CLN6: variants seen among roughly 807,000 people sequenced by gnomAD.
CLN6 encodes ceroid-lipofuscinosis neuronal protein 6.
In CLN6, 22 loss-of-function variants were observed where a neutral mutation model predicts 33.3. The ratio of observed to expected loss-of-function variants is 0.66; its 90% CI spans 0.47 to 0.94. The LOEUF (loss-of-function observed/expected upper bound fraction) is 0.94. CLN6 is among the 40% of genes least tolerant of loss of function. The pLI, the probability that CLN6 is intolerant of heterozygous loss-of-function variation, is 0.00. For synonymous variants in CLN6, 201 were observed against 174.6 expected, an observed-to-expected ratio of 1.15 and a Z score of -1.19; for missense variants, 387 against 417.1, an observed-to-expected ratio of 0.93 and a Z score of 0.63.
At chr15:68,216,179 G>C (rs1274440487) in intron 2 of CLN6, among the ~76,000 whole-genome samples, 1 of 152,146 alleles carries the variant, frequency 6.6e-6, no homozygotes, top group Non-Finnish European at 1.5e-5. Context: ...CTGGGTCCTA[G>C]TGAGTGAAGG....
intron 1 of CLN6, among the ~76,000 whole-genome samples, chr15:68,223,208 G>C (rs776901679): frequency 2.0e-5 from 3 of 152,106 alleles, no homozygotes; most frequent in African/African-American, 4.8e-5. Context: ...CTCAAAGCAC[G>C]GATGGATGAA....
At chr15:68,243,881 G>C (rs1892300373) in intron 1 of CLN6, among the ~76,000 whole-genome samples, 1 of 151,440 alleles carries the variant, frequency 6.6e-6, no homozygotes, top group Non-Finnish European at 1.5e-5. Flanking sequence ...AGCTAACACA[G>C]TGAAACCCCG....
At chr15:68,254,381 C>G (rs1892411015) in intron 1 of CLN6, among the ~76,000 whole-genome samples, 1 of 152,124 alleles carries the variant, frequency 6.6e-6, no homozygotes, top group African/African-American at 2.4e-5. Context: ...CTTGCCCTGT[C>G]TGCTACCATA....
At position 68,209,803 on chromosome 15, in the gene CLN6, C is replaced by T. The variant is rs1357814530; in HGVS notation, c.543-44G>A. 4 of 1,609,174 alleles carry T rather than the reference C, an allele frequency of 2.5e-6. No homozygotes were observed. The highest frequency in any genetic ancestry group is 2.5e-6 in the Non-Finnish European group (3 of 1,178,178). ...TGTCTTAGAGGCCTGCTCAGCGGCC[C>T]TCTTCCCCACAACCTCTGCAACCAC... On this transcript the variant is annotated intron_variant, in intron 5 of 6. Coordinates refer to ENST00000249806, the MANE Select transcript of CLN6 (RefSeq NM_017882.3). The surrounding 1 kb of genome is among the most constrained non-coding windows in gnomAD (Gnocchi z 4.9).
Position 68,214,362 on chromosome 15 carries a change from T to G in CLN6, c.225A>C (p.Pro75=), listed in dbSNP as rs544291935. Residue 75 remains proline (P), a synonymous_variant, in exon 3 of 7, where the codon CCA becomes CCC. Coordinates refer to ENST00000249806, the MANE Select transcript of CLN6 (RefSeq NM_017882.3). ...AGTCCCCAACACTGGGCTTGTTGAG[T>G]GGAAACCACTCGAGAGGGAATACCA... ...AMLVFPLEWF[P]LNKPSVGDYF... 1 of 1,613,964 alleles carries G rather than the reference T, an allele frequency of 6.2e-7. No individual in the cohort carries two copies. Among genetic ancestry groups the G allele is most frequent in the Non-Finnish European group, 8.5e-7 (1 of 1,179,852 alleles).
At position 68,229,557 on chromosome 15, in the gene CLN6, G is replaced by A. The variant is rs1457277891; in HGVS notation, c.28C>T (p.Leu10=). MEATRRRQH[L]GATGGPGAQL... ...GCGCCTGGGCCGCCCGTCGCTCCCA[G>A]GTGCTGCCGCCTCCGCGTCGCCTCC... Residue 10 remains leucine, a synonymous_variant, in exon 1 of 7, where the codon CTG becomes TTG. Coordinates refer to ENST00000249806, the MANE Select transcript of CLN6 (RefSeq NM_017882.3). 8 of 1,469,322 alleles carry A rather than the reference G, an allele frequency of 5.4e-6. No homozygotes were observed. The highest frequency in any genetic ancestry group is 5.1e-5 in the South Asian group (4 of 78,252). The allele number at this position is 1,469,322 out of a possible 1,614,324, so 91.0% of individuals were successfully genotyped here.
Position 68,208,075 on chromosome 15 carries a change from T to C in CLN6, c.*65A>G. 1 of 1,532,072 alleles carries C rather than the reference T, an allele frequency of 6.5e-7. No individual in the cohort carries two copies. Among genetic ancestry groups the C allele is most frequent in the South Asian group, 1.2e-5 (1 of 83,628 alleles). 94.9% of individuals were successfully genotyped at this position (1,532,072 alleles called of 1,614,324 possible). On this transcript the variant is annotated 3_prime_UTR_variant, in exon 7 of 7. Transcript: ENST00000249806. The surrounding 1 kb of genome is among the most constrained non-coding windows in gnomAD (Gnocchi z 5.8). ...CACACCCACACCCCCCCTACTCCTGTATTCAGATGCCCTCCATGGCCCACC... is the reference window on the plus strand; with the variant it reads ...CACACCCACACCCCCCCTACTCCTGCATTCAGATGCCCTCCATGGCCCACC...
At position 68,210,917 on chromosome 15, in the gene CLN6, C is replaced by T. The variant is rs574197454; in HGVS notation, c.542+346G>A. Among the ~76,000 whole-genome samples the T allele has an allele frequency of 2.0e-5, 3 of 152,128 alleles. No individual in the cohort carries two copies. The highest frequency in any genetic ancestry group is 2.1e-4 in the South Asian group (1 of 4,830). ...ATCTGGGGGTTGTTTATCAGGGACG[C>T]GTCCTCCTCCCCCACCCTCAGGGCT... On this transcript the variant is annotated intron_variant, in intron 5 of 6. Transcript: ENST00000249806. This position sits in a 1 kb window ranked among gnomAD's most constrained non-coding sequence, Gnocchi z 5.6.
chr15:68,211,626 C>T lies in CLN6; in HGVS notation c.486+49G>A. 3 of 1,610,032 alleles carry T rather than the reference C, an allele frequency of 1.9e-6. No homozygotes were observed. Among genetic ancestry groups the T allele is most frequent in the Non-Finnish European group, 2.5e-6 (3 of 1,179,974 alleles). ...GGGCCATTTCTTCAGCCTCCCAGGA[C>T]AGACTGTGCTCCTAGGGCTTACAGG... On this transcript the variant is annotated intron_variant, in intron 4 of 6. Transcript: ENST00000249806. The surrounding 1 kb of genome is among the most constrained non-coding windows in gnomAD (Gnocchi z 5.9).
chr15:68,222,596 C>A (rs565821520), intron 1 of CLN6, among the ~76,000 whole-genome samples: 3 of 152,178 alleles, frequency 2.0e-5, no homozygotes. Flanking sequence ...GCCCGGCCGC[C>A]CGGTCTGGGA....
intron 1 of CLN6, among the ~76,000 whole-genome samples, chr15:68,255,395 G>T (rs1892423361): frequency 6.6e-6 from 1 of 152,162 alleles, no homozygotes; most frequent in Non-Finnish European, 1.5e-5. Context: ...AAAAGCAGTG[G>T]TTCTGTTTCT....
intron 1 of CLN6, among the ~76,000 whole-genome samples, chr15:68,221,862 G>A (rs558761355): frequency 1.3e-4 from 19 of 141,696 alleles, no homozygotes; most frequent in South Asian, 4.6e-4. Flanking sequence ...AGTGAGGAGC[G>A]CCTCTGCCTG....
At chr15:68,212,190 G>A in intron 3 of CLN6, 1 of 352,918 alleles carries the variant, frequency 2.8e-6, no homozygotes, top group Non-Finnish European at 5.3e-6. Flanking sequence ...TCCAGGCTCA[G>A]GCCCAGCCCT....
At position 68,211,180 on chromosome 15, in the gene CLN6, C is replaced by T. The variant is rs2093203817; in HGVS notation, c.542+83G>A. The T allele has an allele frequency of 8.4e-7, 1 of 1,195,752 alleles. No individual in the cohort carries two copies. Among genetic ancestry groups the T allele is most frequent in the South Asian group, 1.2e-5 (1 of 82,930 alleles). The allele number at this position is 1,195,752 out of a possible 1,614,324, so 74.1% of individuals were successfully genotyped here. A position where few individuals can be genotyped will look rare whatever the true frequency, so the allele number is the denominator to read the frequency against. On this transcript the variant is annotated intron_variant, in intron 5 of 6. Coordinates refer to ENST00000249806, the MANE Select transcript of CLN6 (RefSeq NM_017882.3). The surrounding 1 kb of genome is among the most constrained non-coding windows in gnomAD (Gnocchi z 5.9). ...CATGGAGACCCGCAGCCCAGACAGCCTTGCTCAGTGTGTCCCTGAGCCAGT... is the reference window on the plus strand; with the variant it reads ...CATGGAGACCCGCAGCCCAGACAGCTTTGCTCAGTGTGTCCCTGAGCCAGT...
chr15:68,222,558 C>A (rs1014324363), intron 1 of CLN6, among the ~76,000 whole-genome samples: 4 of 151,586 alleles, frequency 2.6e-5, no homozygotes, highest in African/African-American at 9.7e-5. Context: ...TGCCCAGCCG[C>A]CCCGTCTGGG....
In CLN6 at chr15:68,242,454, CTAA is replaced by C. The variant is rs1182519630; in HGVS notation, c.179+14233_179+14235del. ...GGGAAATTGCCTCAAAAGATCAAAT[CTAA>C]TAATTATTGGTGTTCAAGAGGGAGT... On this transcript the variant is annotated intron_variant, in intron 1 of 6. Coordinates refer to the CLN6 transcript ENST00000538696. The surrounding 1 kb of genome is among the most constrained non-coding windows in gnomAD (Gnocchi z 5.0). Among the ~76,000 whole-genome samples the C allele has an allele frequency of 2.0e-5, 3 of 151,790 alleles. No individual in the cohort carries two copies. The highest frequency in any genetic ancestry group is 1.3e-4 in the Admixed American group (2 of 15,218).
rs538437400 is a variant in CLN6, at chr15:68,250,618, C to A, written c.179+6072G>T. Among the ~76,000 whole-genome samples the A allele has an allele frequency of 2.6e-3, 331 of 128,450 alleles. 5 individuals are homozygous for A. Among genetic ancestry groups the A allele is most frequent in the African/African-American group, 0.01 (317 of 31,642 alleles). The allele number at this position is 128,450 out of a possible 152,430, so 84.3% of individuals were successfully genotyped here. ...CCAGCCTGGGCGACAGAGCGAGACTCTGTCTCAAAAAAAAAAAAAAAAAAA... is the reference window on the plus strand; with the variant it reads ...CCAGCCTGGGCGACAGAGCGAGACTATGTCTCAAAAAAAAAAAAAAAAAAA... On this transcript the variant is annotated intron_variant, in intron 1 of 6. Coordinates refer to the CLN6 transcript ENST00000538696.
intron 1 of CLN6, among the ~76,000 whole-genome samples, chr15:68,226,521 T>C (rs2093252455): frequency 6.6e-6 from 1 of 151,960 alleles, no homozygotes; most frequent in South Asian, 2.1e-4. Flanking sequence ...GGCTGGAGTA[T>C]AATGGCGCGA....
chr15:68,239,892 C>T (rs1892266185), intron 1 of CLN6, among the ~76,000 whole-genome samples: 2 of 152,174 alleles, frequency 1.3e-5, no homozygotes, highest in African/African-American at 4.8e-5. Flanking sequence ...ACATAAACCA[C>T]ATTTTATAAT....
Sources: allele counts gnomAD v4.1 joint callset (sites outside exome capture counted in the v4.1 genomes callset), GRCh38; gene constraint gnomAD v4.1.1; non-coding constraint Gnocchi (gnomAD v3.1); transcripts MANE v1.5; gene names NCBI Gene and HGNC (gene_info 2026-07-23, HGNC 2026-07-21).